Variants in NRXN1 observed in about 807,000 individuals in gnomAD.
The protein encoded by NRXN1 is neurexin-1.
NRXN1 carries 39 observed loss-of-function variants against 150.9 expected under a neutral mutation model. That is an observed-to-expected ratio of 0.26 (90% CI 0.20 to 0.34). The LOEUF is 0.34. Ranked by LOEUF, NRXN1 falls within the 10% of genes least tolerant of loss-of-function variation. NRXN1 has a pLI of 1.00. For synonymous variants in NRXN1, 924 were observed against 757.0 expected, an observed-to-expected ratio of 1.22 and a Z score of -3.62; for missense variants, 1,815 against 1,949.9, an observed-to-expected ratio of 0.93 and a Z score of 1.30.
At chr2:50,177,763 C>T (rs536337251) in intron 18 of NRXN1, among the ~76,000 whole-genome samples, 2 of 126,162 alleles carry the variant, frequency 1.6e-5, no homozygotes, top group South Asian at 2.5e-4. Context: ...TGTAGCTAAA[C>T]TAACTAACTA....
intron 5 of NRXN1, among the ~76,000 whole-genome samples, chr2:50,767,642 A>G (rs1702523256): frequency 1.3e-5 from 2 of 152,108 alleles, no homozygotes; most frequent in African/African-American, 4.8e-5. Flanking sequence ...TGTAAGTATT[A>G]TAATGCAATG....
chr2:50,380,608 T>A (rs1282153966), intron 17 of NRXN1, among the ~76,000 whole-genome samples: 1 of 152,076 alleles, frequency 6.6e-6, no homozygotes. Flanking sequence ...ACCTAGCCAC[T>A]AGGGATTGTG....
chr2:50,677,342 T>C (rs1574066568), intron 5 of NRXN1, among the ~76,000 whole-genome samples: 1 of 152,156 alleles, frequency 6.6e-6, no homozygotes, highest in South Asian at 2.1e-4. Context: ...GTGCAGGCTA[T>C]TGAAAGACTC....
At chr2:50,721,612 G>C (rs903205245) in intron 5 of NRXN1, among the ~76,000 whole-genome samples, 1 of 152,180 alleles carries the variant, frequency 6.6e-6, no homozygotes, top group African/African-American at 2.4e-5. Flanking sequence ...ATTTTTTAAA[G>C]TGGAATGAGT....
intron 5 of NRXN1, among the ~76,000 whole-genome samples, chr2:50,758,703 C>A (rs1245560754): frequency 6.6e-6 from 1 of 151,872 alleles, no homozygotes; most frequent in Non-Finnish European, 1.5e-5. Context: ...TCCAGAGTAA[C>A]ATGGTCTCTT....
At chr2:50,495,803 G>C in intron 15 of NRXN1, 102 bp downstream of exon 15, 2 of 934,592 alleles carry the variant, frequency 2.1e-6, no homozygotes, top group Non-Finnish European at 3.1e-6. Flanking sequence ...ATTCTGGTCA[G>C]TCTTTGCAGA....
chr2:50,288,551 A>G (rs1007779441), intron 17 of NRXN1, among the ~76,000 whole-genome samples: 1 of 152,204 alleles, frequency 6.6e-6, no homozygotes, highest in Non-Finnish European at 1.5e-5. Flanking sequence ...AAGAGGTTTA[A>G]TTGAATCACA....
At chr2:50,488,062 A>G (rs1324717028) in intron 15 of NRXN1, among the ~76,000 whole-genome samples, 3 of 152,218 alleles carry the variant, frequency 2.0e-5, no homozygotes, top group Non-Finnish European at 4.4e-5. Context: ...AGCACCTAGT[A>G]TTCTATCACC....
At chr2:50,920,417 T>A (rs1685841537) in intron 5 of NRXN1, among the ~76,000 whole-genome samples, 1 of 151,752 alleles carries the variant, frequency 6.6e-6, no homozygotes, top group Non-Finnish European at 1.5e-5. Flanking sequence ...AATTAAAAAA[T>A]TATTTTAAGA....
intron 17 of NRXN1, among the ~76,000 whole-genome samples, chr2:50,275,987 CA>C (rs34672241): frequency 5.5e-4 from 70 of 127,936 alleles, no homozygotes; most frequent in Middle Eastern, 4.2e-3. Flanking sequence ...TCCTACCTTG[CA>C]AAAAAAAAAA....
At chr2:50,376,643 C>A (rs1041427886) in intron 17 of NRXN1, among the ~76,000 whole-genome samples, 2 of 152,076 alleles carry the variant, frequency 1.3e-5, no homozygotes, top group African/African-American at 4.8e-5. Flanking sequence ...TGGATACTTG[C>A]AAGGGAAACA....
At chr2:50,407,495 C>T (rs1185458745) in intron 17 of NRXN1, among the ~76,000 whole-genome samples, 1 of 152,000 alleles carries the variant, frequency 6.6e-6, no homozygotes, top group Non-Finnish European at 1.5e-5. Flanking sequence ...AATATGTGTC[C>T]CCTCCAAAAC....
At chr2:50,429,615 T>A (rs1282703531) in intron 17 of NRXN1, among the ~76,000 whole-genome samples, 1 of 152,132 alleles carries the variant, frequency 6.6e-6, no homozygotes, top group African/African-American at 2.4e-5. Context: ...GAGAAATAGA[T>A]CAAGAGTAAC....
chr2:50,527,167 G>C (rs974642789), intron 12 of NRXN1, among the ~76,000 whole-genome samples: 1 of 152,082 alleles, frequency 6.6e-6, no homozygotes. Context: ...AAGGAATATT[G>C]GTCCCCACAA....
intron 12 of NRXN1, among the ~76,000 whole-genome samples, chr2:50,519,852 C>A (rs1054411214): frequency 2.1e-4 from 32 of 151,828 alleles, no homozygotes; most frequent in African/African-American, 7.7e-4. Flanking sequence ...TTTTTCCTCC[C>A]TATTATATGT....
intron 15 of NRXN1, among the ~76,000 whole-genome samples, chr2:50,478,588 C>A (rs1002315205): frequency 2.0e-5 from 3 of 152,172 alleles, no homozygotes; most frequent in Non-Finnish European, 2.9e-5. Flanking sequence ...ACATCTTAGT[C>A]TCCCTTGGTA....
At chr2:50,310,818 AT>A (rs2075113152) in intron 17 of NRXN1, among the ~76,000 whole-genome samples, 1 of 152,184 alleles carries the variant, frequency 6.6e-6, no homozygotes, top group African/African-American at 2.4e-5. Flanking sequence ...TGAAGACGAG[AT>A]TAACACAGCA....
At chr2:50,216,201 A>G (rs2063386485) in intron 18 of NRXN1, among the ~76,000 whole-genome samples, 1 of 152,040 alleles carries the variant, frequency 6.6e-6, no homozygotes, top group South Asian at 2.1e-4. Flanking sequence ...AGCCTGGGTG[A>G]CAGAGCAGAA....
At chr2:50,600,728 A>G (rs564543961) in intron 8 of NRXN1, among the ~76,000 whole-genome samples, 4 of 152,354 alleles carry the variant, frequency 2.6e-5, no homozygotes, top group African/African-American at 9.6e-5. Context: ...TACAGAAATA[A>G]CTAAAGAATG....
Sources: gnomAD v4.1 joint callset for allele counts (sites outside exome capture counted in the v4.1 genomes callset) on GRCh38, gnomAD v4.1.1 for gene constraint, MANE v1.5 for transcripts, NCBI Gene and HGNC (gene_info 2026-07-23, HGNC 2026-07-21) for gene names.